The following IFRD1 variants were observed in gnomAD, a reference collection of about 807,000 sequenced individuals.
IFRD1 encodes the protein interferon-related developmental regulator 1.
In IFRD1, 35 loss-of-function variants were observed where a neutral mutation model predicts 52.9. The observed-to-expected ratio is 0.66, with a 90% confidence interval of 0.51 to 0.88. The LOEUF is 0.88. Ranked by LOEUF, IFRD1 falls within the 40% of genes least tolerant of loss-of-function variation. IFRD1 has a pLI of 0.00. For synonymous variants in IFRD1, 184 were observed against 188.4 expected (o/e 0.98, Z 0.19); for missense variants, 517 against 550.8 (o/e 0.94, Z 0.61).
At chr7:112,427,511 G>A (rs533501899) in intron 1 of IFRD1, among the ~76,000 whole-genome samples, 3 of 152,282 alleles carry the variant, frequency 2.0e-5, no homozygotes, top group African/African-American at 7.2e-5. Context: ...CAGTAGCTTA[G>A]CAATTACCCT....
chr7:112,457,376 T>C (rs562443217), intron 4 of IFRD1: 18 of 404,700 alleles, frequency 4.4e-5, no homozygotes, highest in Admixed American at 2.4e-4. Flanking sequence ...CTTGCACTTA[T>C]ATAAAACATT....
At position 112,468,080 on chromosome 7, in the gene IFRD1, C is replaced by A; in HGVS notation, c.1006C>A (p.Arg336=). 6.2e-7 allele frequency: 1 copy of A among 1,613,978 alleles called. No individual in the cohort carries two copies. Among genetic ancestry groups the A allele is most frequent in the Non-Finnish European group, 8.5e-7 (1 of 1,179,914 alleles). ...GGCCAAAGTGGACAAGAGAAAGCAG[C>A]GGTCAGTTTTCAGAGATGTCCTGAG... ...HRAKVDKRKQ[R]SVFRDVLRAV... is the part of the protein sequence containing the mutation. Residue 336 remains arginine, a synonymous_variant, in exon 9 of 12, where the codon CGG becomes AGG. Transcript: ENST00000403825.
upstream of IFRD1, chr7:112,446,512 G>A (rs930599659): frequency 3.9e-5 from 6 of 152,300 alleles, no homozygotes; most frequent in Admixed American, 3.3e-4. Context: ...AAATAATTGG[G>A]CCAAAAAATA....
chr7:112,475,570 C>A lies in IFRD1; in HGVS notation c.*51C>A. 1 of 1,142,444 alleles carries A rather than the reference C, an allele frequency of 8.8e-7. No homozygotes were observed. The highest frequency in any genetic ancestry group is 1.3e-6 in the Non-Finnish European group (1 of 772,648). 70.8% of individuals were successfully genotyped at this position (1,142,444 alleles called of 1,614,324 possible). On this transcript the variant is annotated 3_prime_UTR_variant, in exon 12 of 12. Transcript: ENST00000403825. ...CTAATTTCTATTTTTTTTTCTATTT[C>A]AATGTATTTAAACTCTAGACACAGT... is the stretch of plus-strand genomic sequence containing the variant.
chr7:112,461,640 G>A (rs1323960659), intron 5 of IFRD1: 7 of 312,292 alleles, frequency 2.2e-5, no homozygotes, highest in Admixed American at 1.8e-4. Context: ...GAATCACTTT[G>A]TTAAAGTCAT....
rs368652106 is a variant in IFRD1, at chr7:112,458,593, A to G, written c.410-268A>G. Reference sequence around the variant, plus strand: ...TCCCTTAAGATAGATACTAATCTCCATTTTACAGATGAGGAATTCTATTTA... The same window carrying G: ...TCCCTTAAGATAGATACTAATCTCCGTTTTACAGATGAGGAATTCTATTTA... On this transcript the variant is annotated intron_variant, in intron 4 of 11. Transcript: ENST00000403825. 2.6e-5 allele frequency among the ~76,000 whole-genome samples: 4 copies of G among 152,332 alleles called. No homozygotes were observed. The East Asian group carries it at 7.7e-4, about 29-fold the overall frequency.
At chr7:112,423,934 A>C (rs760178799) in intron 1 of IFRD1, among the ~76,000 whole-genome samples, 4 of 152,256 alleles carry the variant, frequency 2.6e-5, no homozygotes, top group Non-Finnish European at 5.9e-5. Flanking sequence ...ACTGTAACTG[A>C]AACACAGGTT....
Position 112,475,795 on chromosome 7 carries a change from C to T in IFRD1, c.*276C>T. On this transcript the variant is annotated 3_prime_UTR_variant, in exon 12 of 12. Coordinates refer to ENST00000403825, the MANE Select transcript of IFRD1 (RefSeq NM_001550.4). ...AAGACTGATTTCATGATGGGGAAAACAATTAGCCAAAGTTTAATTTCTTAC... is the reference window on the plus strand; with the variant it reads ...AAGACTGATTTCATGATGGGGAAAATAATTAGCCAAAGTTTAATTTCTTAC... 1 of 359,938 alleles carries T rather than the reference C, an allele frequency of 2.8e-6. No homozygotes were observed. Among genetic ancestry groups the T allele is most frequent in the Non-Finnish European group, 5.1e-6 (1 of 197,698 alleles). The allele number at this position is 359,938 out of a possible 1,614,324, so 22.3% of individuals were successfully genotyped here. A position where few individuals can be genotyped will look rare whatever the true frequency, so the allele number is the denominator to read the frequency against.
intron 8 of IFRD1, among the ~76,000 whole-genome samples, chr7:112,464,054 A>AATTTTTTTTTTTTTTTTTGGT (rs1795545992): frequency 7.3e-6 from 1 of 136,888 alleles, no homozygotes; most frequent in African/African-American, 2.7e-5. Flanking sequence ...TTTTTTTTTT[A>AATTTTTTTTTTTTTTTTTGGT]AAATAAGCTT....
At chr7:112,431,529 C>A (rs913965645) in intron 1 of IFRD1, among the ~76,000 whole-genome samples, 1 of 152,104 alleles carries the variant, frequency 6.6e-6, no homozygotes, top group African/African-American at 2.4e-5. Context: ...AGACTCACAG[C>A]CGCAGTTCAC....
At position 112,457,033 on chromosome 7, in the gene IFRD1, A is replaced by G. The variant is rs141889729; in HGVS notation, c.404A>G (p.Lys135Arg). 1.2e-4 allele frequency: 196 copies of G among 1,613,912 alleles called. 1 individual carries two copies. The African/African-American group carries it at 2.2e-3, about 18-fold the overall frequency. The change falls in exon 4 of 12, where the codon AAA (lysine) becomes AGA (arginine). Residue 135 changes from lysine to arginine, a missense_variant. Transcript: ENST00000403825. ...TLTDSIERCL[K>R]KGKSDEQRAA... Reference sequence around the variant, plus strand: ...ACTGATAGCATTGAACGCTGCCTGAAAAAAGGTAATGCCCTTATTTTTGAG... The same window carrying G: ...ACTGATAGCATTGAACGCTGCCTGAGAAAAGGTAATGCCCTTATTTTTGAG...
Position 112,462,112 on chromosome 7 carries a change from T to A in IFRD1, c.730T>A (p.Ser244Thr), listed in dbSNP as rs1287818660. The A allele has an allele frequency of 1.9e-6, 3 of 1,613,686 alleles. No individual in the cohort carries two copies. The highest frequency in any genetic ancestry group is 4.5e-5 in the East Asian group (2 of 44,868). Reference protein sequence around the residue: ...STPNTVLHISSLLAWTLLLTI... With the variant: ...STPNTVLHISTLLAWTLLLTI... ...TCCTAATACAGTGCTTCATATCAGCTCTCTTCTTGCATGGACACTACTGCT... is the reference window on the plus strand; with the variant it reads ...TCCTAATACAGTGCTTCATATCAGCACTCTTCTTGCATGGACACTACTGCT... Residue 244 changes from serine (S) to threonine (T), a missense_variant, in exon 7 of 12, where the codon TCT becomes ACT. Coordinates refer to ENST00000403825, the MANE Select transcript of IFRD1 (RefSeq NM_001550.4).
At chr7:112,472,408 C>T (rs564126906) in intron 10 of IFRD1, 61 bp downstream of exon 10, 3 of 1,574,470 alleles carry the variant, frequency 1.9e-6, no homozygotes, top group Admixed American at 3.3e-5. Context: ...GAATATAGCT[C>T]ACTTAATTGG....
At chr7:112,451,026 T>C (rs1188082004) in intron 1 of IFRD1, 2 of 550,592 alleles carry the variant, frequency 3.6e-6, no homozygotes, top group Non-Finnish European at 6.6e-6. Context: ...GAACGGGTCC[T>C]TGGGCCTGAG....
intron 1 of IFRD1, among the ~76,000 whole-genome samples, chr7:112,430,337 C>T (rs1053158338): frequency 7.9e-5 from 12 of 152,088 alleles, no homozygotes; most frequent in East Asian, 1.9e-4. Context: ...GTGTCAGTGC[C>T]GGGAATACAG....
rs1284973233 is a variant in IFRD1 at position 112,472,823 on chromosome 7, G to T, written c.1228G>T (p.Ala410Ser). The T allele has an allele frequency of 5.6e-6, 9 of 1,613,502 alleles. No homozygotes were observed. Among genetic ancestry groups the T allele is most frequent in the Admixed American group, 1.7e-5 (1 of 60,016 alleles). ...TGGACCCCCAGTGATGCTTGATGCT[G>T]CAACGCTTAAAACGATGAAGATTTC... ...ELGPPVMLDA[A>S]TLKTMKISRF... is the part of the protein sequence containing the mutation. Residue 410 changes from alanine (A) to serine (S), a missense_variant, in exon 11 of 12, where the codon GCA becomes TCA. Transcript: ENST00000403825.
At chr7:112,432,046 A>G (rs1316822004) in intron 1 of IFRD1, among the ~76,000 whole-genome samples, 1 of 152,240 alleles carries the variant, frequency 6.6e-6, no homozygotes, top group African/African-American at 2.4e-5. Flanking sequence ...ATTAGTCATC[A>G]GGCCAGCCAT....
At chr7:112,456,795 G>T in intron 3 of IFRD1, 119 bp from the exon 4 acceptor site, 1 of 894,526 alleles carries the variant, frequency 1.1e-6, no homozygotes, top group Non-Finnish European at 1.8e-6. Context: ...AGAGCTTGAT[G>T]AGAATTAGAT....
chr7:112,435,852 T>C (rs182905906), intron 1 of IFRD1, among the ~76,000 whole-genome samples: 31 of 152,094 alleles, frequency 2.0e-4, no homozygotes, highest in Admixed American at 1.6e-3. Flanking sequence ...CCTATTAATC[T>C]ATCAATATTT....
Sources: gnomAD v4.1 joint callset for allele counts (sites outside exome capture counted in the v4.1 genomes callset) on GRCh38, gnomAD v4.1.1 for gene constraint, MANE v1.5 for transcripts, NCBI Gene and HGNC (gene_info 2026-07-23, HGNC 2026-07-21) for gene names.